KDM4C: variants seen among roughly 807,000 people sequenced by gnomAD.
KDM4C encodes lysine demethylase 4C, also known as lysine-specific demethylase 4C.
KDM4C carries 81 observed loss-of-function variants against 129.3 expected under a neutral mutation model. The ratio of observed to expected loss-of-function variants is 0.63; its 90% CI spans 0.52 to 0.75. The LOEUF (loss-of-function observed/expected upper bound fraction) is 0.75, where lower values mean the gene tolerates loss of function less well. Ranked by LOEUF, KDM4C falls within the 30% of genes least tolerant of loss-of-function variation. KDM4C has a pLI of 0.00. For missense variants in KDM4C, 1,457 were observed against 1,304.0 expected, an observed-to-expected ratio of 1.12 and a Z score of -1.81; for synonymous variants, 573 against 456.1, an observed-to-expected ratio of 1.26 and a Z score of -3.26.
chr9:7,052,909 G>GAGAGAGA (rs767668455), intron 17 of KDM4C, among the ~76,000 whole-genome samples: 3 of 100,186 alleles, frequency 3.0e-5, no homozygotes, highest in Admixed American at 9.4e-5. Flanking sequence ...GAGCGAGCGA[G>GAGAGAGA]TGCCCAAGGG....
At position 6,758,499 on chromosome 9, in the gene KDM4C, G is replaced by T. The variant is rs1489221196; in HGVS notation, c.-18+296G>T. The stretch of plus-strand genomic sequence containing the variant: ...ATCCGGAGTCGGGGTCGCCTCCTTG[G>T]GGCAGAGGAGCGCTCGGGCGGTCCT... On this transcript the variant is annotated intron_variant, in intron 1 of 21. Coordinates refer to ENST00000381309, the MANE Select transcript of KDM4C (RefSeq NM_015061.6). This position sits in a 1 kb window ranked among gnomAD's most constrained non-coding sequence, Gnocchi z 4.6. 6.6e-6 allele frequency among the ~76,000 whole-genome samples: 1 copy of T among 152,200 alleles called. No individual in the cohort carries two copies. The highest frequency in any genetic ancestry group is 1.5e-5 in the Non-Finnish European group (1 of 68,024).
At chr9:6,901,427 C>A (rs1347401931) in intron 8 of KDM4C, among the ~76,000 whole-genome samples, 2 of 152,204 alleles carry the variant, frequency 1.3e-5, no homozygotes, top group Non-Finnish European at 2.9e-5. Flanking sequence ...AGCTCAGCAA[C>A]CTCATGAGGT....
At chr9:6,897,593 T>C (rs936952408) in intron 8 of KDM4C, among the ~76,000 whole-genome samples, 3 of 152,170 alleles carry the variant, frequency 2.0e-5, no homozygotes, top group African/African-American at 7.2e-5. Context: ...GGTAGTCACA[T>C]GTTCATTTGC....
intron 5 of KDM4C, among the ~76,000 whole-genome samples, chr9:6,850,977 A>G (rs1047394674): frequency 6.7e-6 from 1 of 149,764 alleles, no homozygotes; most frequent in African/African-American, 2.5e-5. Context: ...CTGGTCTCGA[A>G]CTCTTGACCT....
rs555185264 is a variant in KDM4C, at chr9:6,783,045, C to T, written c.-17-9927C>T. 6.6e-5 allele frequency among the ~76,000 whole-genome samples: 10 copies of T among 152,230 alleles called. No homozygotes were observed. The East Asian group carries it at 1.9e-3, about 29-fold the overall frequency. On this transcript the variant is annotated intron_variant, in intron 1 of 21. Coordinates refer to ENST00000381309, the MANE Select transcript of KDM4C (RefSeq NM_015061.6). ...AGGCTCTTGGGATTCTGATGTTGGC[C>T]GTGCAGTAGAGGATGGGCTTGGTGT...
intron 17 of KDM4C, chr9:7,077,071 T>C (rs1032996823): frequency 6.1e-6 from 6 of 985,518 alleles, no homozygotes; most frequent in Non-Finnish European, 7.2e-6. Flanking sequence ...AGGTGAAAAC[T>C]ATCACTCATT....
At chr9:7,039,779 C>G (rs1005997839) in intron 15 of KDM4C, among the ~76,000 whole-genome samples, 2 of 152,036 alleles carry the variant, frequency 1.3e-5, no homozygotes, top group African/African-American at 4.8e-5. Context: ...TCCTTGTTAT[C>G]TTCATGTTGA....
chr9:6,751,701 A>C (rs1474279044), intron 1 of KDM4C, among the ~76,000 whole-genome samples: 1 of 152,186 alleles, frequency 6.6e-6, no homozygotes, highest in Non-Finnish European at 1.5e-5. Flanking sequence ...AGAACACTTA[A>C]GGAAGATGGA....
chr9:7,037,349 A>G (rs1450564250), intron 15 of KDM4C, among the ~76,000 whole-genome samples: 1 of 152,162 alleles, frequency 6.6e-6, no homozygotes, highest in Non-Finnish European at 1.5e-5. Context: ...TGGTATTGGC[A>G]TTTCTTTAAC....
chr9:6,992,726 C>G (rs542066816), intron 12 of KDM4C, among the ~76,000 whole-genome samples: 1 of 152,266 alleles, frequency 6.6e-6, no homozygotes, highest in African/African-American at 2.4e-5. Flanking sequence ...CATACAATTC[C>G]AAATCCAACT....
chr9:6,884,344 C>T lies in KDM4C; in HGVS notation c.680-3616C>T, dbSNP rs112910501. Among the ~76,000 whole-genome samples, 584 of 152,278 alleles carry T rather than the reference C, an allele frequency of 3.8e-3. 4 individuals carry two copies. Among genetic ancestry groups the T allele is most frequent in the South Asian group, 0.035 (168 of 4,824 alleles). On this transcript the variant is annotated intron_variant, in intron 6 of 21. Transcript: ENST00000381309. ...AGGTTTCTCTGCATACAATGTAGGTCATTGGTTCTTTTCATAAATAAGCTT... is the reference window on the plus strand; with the variant it reads ...AGGTTTCTCTGCATACAATGTAGGTTATTGGTTCTTTTCATAAATAAGCTT...
At chr9:7,036,974 C>A (rs1827763580) in intron 15 of KDM4C, among the ~76,000 whole-genome samples, 1 of 152,192 alleles carries the variant, frequency 6.6e-6, no homozygotes, top group Admixed American at 6.5e-5. Context: ...TTAAAAGGTA[C>A]TGCAGGACAC....
At chr9:7,153,418 T>G (rs1216411826) in intron 19 of KDM4C, among the ~76,000 whole-genome samples, 3 of 152,190 alleles carry the variant, frequency 2.0e-5, no homozygotes, top group African/African-American at 7.2e-5. Context: ...CTGGAATACA[T>G]TCTTGTGGAT....
intron 8 of KDM4C, among the ~76,000 whole-genome samples, chr9:6,932,653 A>G (rs1563836652): frequency 2.0e-5 from 3 of 152,356 alleles, no homozygotes; most frequent in South Asian, 2.1e-4. Flanking sequence ...CAGCCAAAGC[A>G]GCAGAGCCAA....
chr9:6,978,138 TCA>T (rs1299109135), intron 8 of KDM4C, among the ~76,000 whole-genome samples: 1 of 152,178 alleles, frequency 6.6e-6, no homozygotes, highest in Admixed American at 6.5e-5. Flanking sequence ...ACTGTTACTC[TCA>T]GTTTTTCAGA....
rs1023908700 is a variant in KDM4C at position 6,758,814 on chromosome 9, G to A, written c.-18+611G>A. Among the ~76,000 whole-genome samples the A allele has an allele frequency of 6.6e-6, 1 of 152,076 alleles. No individual in the cohort carries two copies. The highest frequency in any genetic ancestry group is 2.4e-5 in the African/African-American group (1 of 41,388). Reference sequence around the variant, plus strand: ...GTAGACGGCGGGTGCTTAAATAAATGCGAGTTGGATTAGGGCGCGTGGACT... The same window carrying A: ...GTAGACGGCGGGTGCTTAAATAAATACGAGTTGGATTAGGGCGCGTGGACT... On this transcript the variant is annotated intron_variant, in intron 1 of 21. Coordinates refer to ENST00000381309, the MANE Select transcript of KDM4C (RefSeq NM_015061.6). This position sits in a 1 kb window ranked among gnomAD's most constrained non-coding sequence, Gnocchi z 4.6.
chr9:6,860,437 A>G (rs907436882), intron 5 of KDM4C, among the ~76,000 whole-genome samples: 104 of 152,322 alleles, frequency 6.8e-4, no homozygotes, highest in African/African-American at 2.3e-3. Context: ...GTACATTGAC[A>G]GAAGCTAGTC....
chr9:6,720,992 C>T, exon 1 of KDM4C: 1 of 1,551,484 alleles, frequency 6.4e-7, no homozygotes, highest in Non-Finnish European at 8.7e-7. Context: ...GAAGAAGCAG[C>T]TGCAGGTGAG....
intron 17 of KDM4C, among the ~76,000 whole-genome samples, chr9:7,076,139 G>C (rs961087163): frequency 6.6e-6 from 1 of 151,986 alleles, no homozygotes; most frequent in Admixed American, 6.6e-5. Context: ...GCCAGGCCCA[G>C]TTCTGGCCAT....
Sources: gnomAD v4.1 joint callset for allele counts (sites outside exome capture counted in the v4.1 genomes callset) on GRCh38, gnomAD v4.1.1 for gene constraint, Gnocchi (gnomAD v3.1) non-coding constraint, MANE v1.5 for transcripts, NCBI Gene and HGNC (gene_info 2026-07-23, HGNC 2026-07-21) for gene names.